The following DCDC1 variants were observed in gnomAD, a reference collection of about 807,000 sequenced individuals.
DCDC1 encodes doublecortin domain-containing protein 1.
In DCDC1, 200 loss-of-function variants were observed where a neutral mutation model predicts 178.3. That is an observed-to-expected ratio of 1.12 (90% CI 1.00 to 1.26). DCDC1 has a LOEUF of 1.26. Among genes scored for constraint, DCDC1 ranks in the 50% most tolerant of loss-of-function variants. The probability of loss-of-function intolerance (pLI) is 0.00; values close to 1 mark genes in which losing one functional copy is unlikely to be tolerated. For missense variants in DCDC1, 1,983 were observed against 1,749.2 expected (o/e 1.13, Z -2.38); for synonymous variants, 690 against 604.8 (o/e 1.14, Z -2.07).
intron 9 of DCDC1, among the ~76,000 whole-genome samples, chr11:31,193,120 T>A (rs1332178973): frequency 6.6e-6 from 1 of 152,072 alleles, no homozygotes; most frequent in African/African-American, 2.4e-5. Context: ...GCCTTTGGAC[T>A]CAGACTGAAT....
chr11:30,879,378 T>A (rs1942436675), intron 37 of DCDC1, among the ~76,000 whole-genome samples: 1 of 152,140 alleles, frequency 6.6e-6, no homozygotes, highest in Non-Finnish European at 1.5e-5. Context: ...TTCTGAATAT[T>A]TAGATTTCTA....
intron 1 of DCDC1, among the ~76,000 whole-genome samples, chr11:31,336,955 G>C (rs1424520620): frequency 6.6e-6 from 1 of 152,172 alleles, no homozygotes; most frequent in Non-Finnish European, 1.5e-5. Context: ...ACTGAGGGAA[G>C]ATTGAAGGAG....
intron 21 of DCDC1, 79 bp downstream of exon 21, chr11:30,952,366 G>T: frequency 7.7e-7 from 1 of 1,302,754 alleles, no homozygotes; most frequent in Non-Finnish European, 1.0e-6. Flanking sequence ...AAGCTATATG[G>T]AAGTTGTCAG....
At chr11:31,214,160 CTTGA>C (rs1309553685) in intron 9 of DCDC1, among the ~76,000 whole-genome samples, 1 of 151,788 alleles carries the variant, frequency 6.6e-6, no homozygotes, top group Non-Finnish European at 1.5e-5. Flanking sequence ...CACATGGGGC[CTTGA>C]TTCTTTCTGT....
intron 9 of DCDC1, among the ~76,000 whole-genome samples, chr11:31,158,563 C>T (rs1965981551): frequency 6.6e-6 from 1 of 152,172 alleles, no homozygotes; most frequent in South Asian, 2.1e-4. Flanking sequence ...CATCACTCTA[C>T]TCTCTGCTTC....
chr11:30,964,298 C>T (rs1241034934), intron 20 of DCDC1, among the ~76,000 whole-genome samples: 1 of 152,152 alleles, frequency 6.6e-6, no homozygotes, highest in Admixed American at 6.6e-5. Context: ...AAGTTCTAGA[C>T]ATCATCTCAG....
At chr11:30,900,319 GA>G (rs753393262) in intron 33 of DCDC1, 26 bp downstream of exon 33, 6 of 1,488,494 alleles carry the variant, frequency 4.0e-6, no homozygotes, top group Non-Finnish European at 5.4e-6. Flanking sequence ...ATACTTGCTT[GA>G]AAGAAAGCAA....
chr11:31,063,599 C>T (rs1002353510), intron 20 of DCDC1, among the ~76,000 whole-genome samples: 1 of 152,016 alleles, frequency 6.6e-6, no homozygotes, highest in Non-Finnish European at 1.5e-5. Flanking sequence ...TTTAGGAAGG[C>T]TGGGTGTGGT....
At chr11:30,940,405 T>C (rs553201130) in intron 21 of DCDC1, among the ~76,000 whole-genome samples, 1 of 152,156 alleles carries the variant, frequency 6.6e-6, no homozygotes, top group Non-Finnish European at 1.5e-5. Context: ...CAGTTCCTGT[T>C]TTTCCATACA....
At chr11:31,211,615 A>G (rs1972544138) in intron 9 of DCDC1, among the ~76,000 whole-genome samples, 1 of 152,166 alleles carries the variant, frequency 6.6e-6, no homozygotes, top group Non-Finnish European at 1.5e-5. Flanking sequence ...CATATGGAAT[A>G]ATCATTTTCA....
intron 20 of DCDC1, among the ~76,000 whole-genome samples, chr11:31,005,936 T>C (rs549087151): frequency 7.8e-6 from 1 of 128,730 alleles, no homozygotes; most frequent in African/African-American, 2.9e-5. Context: ...CCAACAGGCA[T>C]ATAGCTCTTA....
At chr11:31,006,322 C>T (rs1010922337) in intron 20 of DCDC1, among the ~76,000 whole-genome samples, 4 of 152,130 alleles carry the variant, frequency 2.6e-5, no homozygotes, top group South Asian at 2.1e-4. Context: ...TGTGGATTGC[C>T]TCCAAGGGTT....
chr11:31,254,934 A>G (rs1944311443), intron 8 of DCDC1, among the ~76,000 whole-genome samples: 1 of 152,148 alleles, frequency 6.6e-6, no homozygotes, highest in Non-Finnish European at 1.5e-5. Context: ...TTATACATAC[A>G]TTAAGCAGAG....
chr11:31,116,241 A>C (rs1591100611), intron 11 of DCDC1, among the ~76,000 whole-genome samples: 1 of 56,876 alleles, frequency 1.8e-5, no homozygotes, highest in Non-Finnish European at 3.1e-5. Context: ...ATCAAAATTT[A>C]CCTTATATCT....
intron 20 of DCDC1, among the ~76,000 whole-genome samples, chr11:31,031,912 C>T (rs893167966): frequency 1.3e-5 from 2 of 152,024 alleles, no homozygotes; most frequent in African/African-American, 4.8e-5. Flanking sequence ...TCTTATGCTA[C>T]AAATGTACCG....
intron 20 of DCDC1, among the ~76,000 whole-genome samples, chr11:30,989,139 G>A (rs1401804786): frequency 6.6e-6 from 1 of 152,038 alleles, no homozygotes; most frequent in Admixed American, 6.6e-5. Context: ...TAAGAGGGGG[G>A]GCAGTAAAAG....
At chr11:31,272,645 T>C (rs563413303) in intron 7 of DCDC1, among the ~76,000 whole-genome samples, 1 of 152,212 alleles carries the variant, frequency 6.6e-6, no homozygotes, top group South Asian at 2.1e-4. Context: ...AACAGGGTGG[T>C]CAAATCTTAA....
Position 31,186,615 on chromosome 11 carries a change from C to A in DCDC1, c.1222-48831G>T, listed in dbSNP as rs551745149. 2.0e-5 allele frequency among the ~76,000 whole-genome samples: 3 copies of A among 152,338 alleles called. No homozygotes were observed. In the South Asian group the frequency reaches 6.2e-4, roughly 32 times the overall value. ...CGCCCTCAGAGGCCAAAAAGCCCCA[C>A]AGACAGTGCCAATTAACAAGCAATG... On this transcript the variant is annotated intron_variant, in intron 9 of 38. Coordinates refer to ENST00000684477, the MANE Select transcript of DCDC1 (RefSeq NM_001387274.1).
At chr11:30,954,098 C>G (rs1409520139) in intron 20 of DCDC1, among the ~76,000 whole-genome samples, 1 of 141,138 alleles carries the variant, frequency 7.1e-6, no homozygotes, top group South Asian at 2.3e-4. Context: ...TCACTGCAAA[C>G]TCCGCCTCCC....
Sources: gnomAD v4.1 joint callset for allele counts (sites outside exome capture counted in the v4.1 genomes callset) on GRCh38, gnomAD v4.1.1 for gene constraint, MANE v1.5 for transcripts, NCBI Gene and HGNC (gene_info 2026-07-23, HGNC 2026-07-21) for gene names.